Variants in TDRD9 observed in about 807,000 individuals in gnomAD.
TDRD9 encodes ATP-dependent RNA helicase TDRD9.
A neutral mutation model predicts 172.6 loss-of-function variants in TDRD9; 124 were observed. That is an observed-to-expected ratio of 0.72 (90% confidence interval 0.62 to 0.83). TDRD9 has a LOEUF of 0.83. Ranked by LOEUF, TDRD9 falls within the 40% of genes least tolerant of loss-of-function variation. The pLI, the probability that TDRD9 is intolerant of heterozygous loss-of-function variation, is 0.00. For synonymous variants in TDRD9, 619 were observed against 617.1 expected, an observed-to-expected ratio of 1.00 and a Z score of -0.05; for missense variants, 1,479 against 1,714.1, an observed-to-expected ratio of 0.86 and a Z score of 2.42.
At chr14:104,037,404 C>T (rs574273643) in intron 32 of TDRD9, among the ~76,000 whole-genome samples, 145 of 152,352 alleles carry the variant, frequency 9.5e-4, no homozygotes, top group African/African-American at 3.4e-3. Flanking sequence ...CCTTGTTAAA[C>T]GCGAAGCTTG....
intron 5 of TDRD9, among the ~76,000 whole-genome samples, chr14:103,970,049 T>C (rs1434630928): frequency 6.6e-6 from 1 of 152,198 alleles, no homozygotes; most frequent in Non-Finnish European, 1.5e-5. Context: ...ATGCACATCA[T>C]GGAATGTGTC....
chr14:104,031,318 A>T (rs2035272955), intron 29 of TDRD9, 55 bp downstream of exon 29: 1 of 1,476,332 alleles, frequency 6.8e-7, no homozygotes, highest in African/African-American at 1.4e-5. Flanking sequence ...TTTTACATTT[A>T]TGTGCTAGGA....
chr14:104,022,880 T>C (rs938770173), intron 24 of TDRD9, among the ~76,000 whole-genome samples: 2 of 151,974 alleles, frequency 1.3e-5, no homozygotes, highest in African/African-American at 4.8e-5. Flanking sequence ...TTTTTTTCTG[T>C]TTAATAGAAA....
intron 19 of TDRD9, 48 bp from the exon 20 acceptor site, chr14:104,008,365 C>T (rs748321238): frequency 2.7e-6 from 3 of 1,103,962 alleles, no homozygotes; most frequent in South Asian, 2.7e-5. Context: ...AAATTCAGCT[C>T]TAATTTATTA....
Position 104,006,490 on chromosome 14 carries a change from G to C in TDRD9, c.1815G>C (p.Gln605His). Residue 605 changes from glutamine to histidine, a missense_variant, in exon 16 of 36, where the codon CAG (glutamine) becomes CAC (histidine). Gln to His is a conservative substitution (Grantham distance 24). Transcript: ENST00000409874. ...GRVLAQLPVN[Q>H]QLGKLIVLGH... ...TTTTAGCCCAACTTCCTGTAAATCA[G>C]CAACTTGGTAAACTCATAGTCCTTG... The C allele has an allele frequency of 1.2e-6, 2 of 1,613,878 alleles. No individual in the cohort carries two copies. Among genetic ancestry groups the C allele is most frequent in the Non-Finnish European group, 1.7e-6 (2 of 1,179,790 alleles).
At position 104,006,435 on chromosome 14, in the gene TDRD9, A is replaced by G. The variant is rs2034439544; in HGVS notation, c.1760A>G (p.His587Arg). The change falls in exon 16 of 36, where the codon CAT becomes CGT. Residue 587 changes from histidine (H) to arginine (R), a missense_variant. His to Arg is a conservative substitution (Grantham distance 29). Coordinates refer to ENST00000409874, the MANE Select transcript of TDRD9 (RefSeq NM_153046.3). ...VSGQREDENPHDGELTFLGRV... is the reference protein window; with the variant it reads ...VSGQREDENPRDGELTFLGRV... ...GGGCAGAGAGAAGATGAAAACCCCC[A>G]TGATGGTGAATTGACCTTCTTAGGA... The G allele has an allele frequency of 6.2e-7, 1 of 1,613,934 alleles. No homozygotes were observed. Among genetic ancestry groups the G allele is most frequent in the Non-Finnish European group, 8.5e-7 (1 of 1,179,828 alleles).
At chr14:103,982,869 C>CG (rs1001095292) in intron 7 of TDRD9, among the ~76,000 whole-genome samples, 64 of 152,200 alleles carry the variant, frequency 4.2e-4, no homozygotes, top group African/African-American at 1.5e-3. Flanking sequence ...CCCTTGCACT[C>CG]CAGCCTGGAC....
chr14:104,021,895 C>T (rs966006301), intron 23 of TDRD9, among the ~76,000 whole-genome samples: 6 of 152,052 alleles, frequency 3.9e-5, no homozygotes, highest in Non-Finnish European at 7.4e-5. Context: ...TTCCATGTGA[C>T]TTTAGTGTTT....
chr14:104,021,118 T>C lies in TDRD9; in HGVS notation c.2433-1039T>C, dbSNP rs535512632. 1.9e-4 allele frequency among the ~76,000 whole-genome samples: 29 copies of C among 152,256 alleles called. No homozygotes were observed. In the East Asian group the frequency reaches 5.6e-3, roughly 29 times the overall value. ...GCTTCTGGGGAGGCCTCAGGAAACT[T>C]ACAATCATGGTGAAAGGCAAAGGGA... On this transcript the variant is annotated intron_variant, in intron 23 of 35. Transcript: ENST00000409874.
rs201345798 is a variant in TDRD9 at position 103,985,380 on chromosome 14, GT to G, written c.1012-835del. Among the ~76,000 whole-genome samples, 1,079 of 152,228 alleles carry G rather than the reference GT, an allele frequency of 7.1e-3. 11 individuals carry two copies. The highest frequency in any genetic ancestry group is 0.024 in the African/African-American group (1,015 of 41,512). ...TGAGTAAGTCTCATGAAATCCGATG[GT>G]TCTGTAAGGGAGAGTTTCCATGCAC... On this transcript the variant is annotated intron_variant, in intron 7 of 35. Transcript: ENST00000409874.
intron 33 of TDRD9, among the ~76,000 whole-genome samples, chr14:104,040,943 A>T (rs753701897): frequency 6.6e-6 from 1 of 152,238 alleles, no homozygotes; most frequent in African/African-American, 2.4e-5. Context: ...AAGATCTTTC[A>T]TCGTTATAGT....
At chr14:103,962,180 A>G (rs1283063956) in intron 2 of TDRD9, among the ~76,000 whole-genome samples, 2 of 152,182 alleles carry the variant, frequency 1.3e-5, no homozygotes, top group Non-Finnish European at 2.9e-5. Context: ...GAGCAGAGGC[A>G]AGCTGCCTGC....
At chr14:103,959,403 T>C (rs2032392203) in intron 2 of TDRD9, among the ~76,000 whole-genome samples, 1 of 151,700 alleles carries the variant, frequency 6.6e-6, no homozygotes, top group South Asian at 2.1e-4. Flanking sequence ...CTGCTAAATG[T>C]TTTGAAGTGT....
chr14:103,932,808 GTTAAATCAGCTTAATGA>G (rs2030488772), intron 1 of TDRD9, among the ~76,000 whole-genome samples: 1 of 152,136 alleles, frequency 6.6e-6, no homozygotes, highest in Non-Finnish European at 1.5e-5. Context: ...AGAGAGTGTT[GTTAAATCAGCTTAATGA>G]TTAAATCAGC....
chr14:104,005,172 C>A, intron 14 of TDRD9, 102 bp from the exon 15 acceptor site: 1 of 1,229,936 alleles, frequency 8.1e-7, no homozygotes, highest in Non-Finnish European at 1.1e-6. Flanking sequence ...CTTCTCTCCT[C>A]TCCTTCTCTC....
Position 104,040,281 on chromosome 14 carries a change from C to A in TDRD9, c.3802C>A (p.His1268Asn). Residue 1268 changes from histidine to asparagine, a missense_variant, in exon 33 of 36, where the codon CAC becomes AAC. Physicochemically the swap from His to Asn is moderately conservative, Grantham distance 68. Around this residue, in one of 3 missense-constraint regions of TDRD9, gnomAD observed 1,413 missense variants for 1,649.1 expected, o/e 0.86. Coordinates refer to ENST00000409874, the MANE Select transcript of TDRD9 (RefSeq NM_153046.3). ...TACAGGGGCTTCCATACTGCCCGAG[C>A]ACGACATGGAGCTTGCGTTTGACGT... ...PATGASILPE[H>N]DMELAFDVQF... 14 of 1,551,596 alleles carry A rather than the reference C, an allele frequency of 9.0e-6. No homozygotes were observed. Among genetic ancestry groups the A allele is most frequent in the Non-Finnish European group, 1.1e-5 (13 of 1,146,836 alleles).
Position 103,991,232 on chromosome 14 carries a change from C to T in TDRD9, c.1180+8C>T, listed in dbSNP as rs1274699974. On this transcript the variant is annotated splice_region_variant and intron_variant, in intron 9 of 35. Coordinates refer to ENST00000409874, the MANE Select transcript of TDRD9 (RefSeq NM_153046.3). Reference sequence around the variant, plus strand: ...TGTTGGTGTTTTTGCCAGGTAAGAACATCATAATTTTGTGACTTGGAATCA... The same window carrying T: ...TGTTGGTGTTTTTGCCAGGTAAGAATATCATAATTTTGTGACTTGGAATCA... 4.3e-6 allele frequency: 7 copies of T among 1,613,726 alleles called. No individual in the cohort carries two copies. The African/African-American group carries it at 9.3e-5, about 22-fold the overall frequency.
chr14:103,944,570 AC>A (rs2031457889), intron 1 of TDRD9, among the ~76,000 whole-genome samples: 1 of 67,114 alleles, frequency 1.5e-5, no homozygotes, highest in Non-Finnish European at 2.6e-5. Flanking sequence ...CCCGCCCCCC[AC>A]CCTTTTTTTT....
At chr14:103,965,310 G>C (rs1566744323) in intron 3 of TDRD9, 23 bp from the exon 4 acceptor site, 1 of 1,546,696 alleles carries the variant, frequency 6.5e-7, no homozygotes, top group Admixed American at 2.0e-5. Flanking sequence ...TGCTGATTTT[G>C]AAAGAATTTT....
Sources: gnomAD v4.1 joint callset for allele counts (sites outside exome capture counted in the v4.1 genomes callset) on GRCh38, gnomAD v4.1.1 for gene constraint, gnomAD v4.1.1 regional missense constraint, MANE v1.5 for transcripts, NCBI Gene and HGNC (gene_info 2026-07-23, HGNC 2026-07-21) for gene names.